The following NUBPL variants were observed in gnomAD, a reference collection of about 807,000 sequenced individuals.
The protein encoded by NUBPL is NUBP iron-sulfur cluster assembly factor, mitochondrial.
NUBPL carries 31 observed loss-of-function variants against 45.7 expected under a neutral mutation model. That is an observed-to-expected ratio of 0.68 (90% CI 0.51 to 0.92). The LOEUF (loss-of-function observed/expected upper bound fraction) is 0.92, where lower values mean the gene tolerates loss of function less well. Among genes scored for constraint, NUBPL ranks in the 40% least tolerant of loss-of-function variants. NUBPL has a pLI of 0.00. For missense variants in NUBPL, 401 were observed against 398.7 expected (o/e 1.01, Z -0.05); for synonymous variants, 144 against 140.9 (o/e 1.02, Z -0.15).
At chr14:31,840,246 GAC>G (rs990620771) in intron 8 of NUBPL, among the ~76,000 whole-genome samples, 99 of 152,258 alleles carry the variant, frequency 6.5e-4, no homozygotes, top group African/African-American at 2.1e-3. Flanking sequence ...CACACACATA[GAC>G]ACAGACAATG....
chr14:31,583,974 A>G (rs1180957315), intron 3 of NUBPL, among the ~76,000 whole-genome samples: 1 of 152,228 alleles, frequency 6.6e-6, no homozygotes, highest in Non-Finnish European at 1.5e-5. Context: ...TTTGGTACAC[A>G]AAATTGCCCT....
intron 6 of NUBPL, among the ~76,000 whole-genome samples, chr14:31,738,966 G>T (rs954745939): frequency 1.3e-5 from 2 of 151,560 alleles, no homozygotes; most frequent in Admixed American, 6.6e-5. Flanking sequence ...ATATGAAACT[G>T]ATATGCTAAA....
At chr14:31,816,187 A>G (rs961023964) in intron 7 of NUBPL, among the ~76,000 whole-genome samples, 1 of 152,140 alleles carries the variant, frequency 6.6e-6, no homozygotes, top group African/African-American at 2.4e-5. Context: ...TTGGTGGGCT[A>G]TTAACTACTG....
At chr14:31,701,629 T>G (rs2037342289) in intron 6 of NUBPL, among the ~76,000 whole-genome samples, 1 of 151,984 alleles carries the variant, frequency 6.6e-6, no homozygotes, top group Non-Finnish European at 1.5e-5. Flanking sequence ...ACAAACCCAC[T>G]GGAAGGAATG....
intron 8 of NUBPL, among the ~76,000 whole-genome samples, chr14:31,838,688 C>CT (rs1176829959): frequency 1.3e-5 from 2 of 152,056 alleles, no homozygotes; most frequent in African/African-American, 4.8e-5. Flanking sequence ...AACTTAAGTA[C>CT]TTTTTTGTGT....
chr14:31,603,142 A>T (rs1164091388), intron 4 of NUBPL, among the ~76,000 whole-genome samples: 1 of 151,920 alleles, frequency 6.6e-6, no homozygotes, highest in African/African-American at 2.4e-5. Flanking sequence ...TGAGACAAAA[A>T]TAAAAAAATT....
At chr14:31,745,372 G>A (rs762573353) in intron 6 of NUBPL, among the ~76,000 whole-genome samples, 1 of 150,334 alleles carries the variant, frequency 6.7e-6, no homozygotes, top group Non-Finnish European at 1.5e-5. Flanking sequence ...CCCTACAAAG[G>A]ACATGGACTC....
chr14:31,582,870 A>T (rs965866372), intron 3 of NUBPL, among the ~76,000 whole-genome samples: 1 of 152,196 alleles, frequency 6.6e-6, no homozygotes, highest in African/African-American at 2.4e-5. Flanking sequence ...AGAAAAAGGA[A>T]AATTTGAAGA....
intron 3 of NUBPL, among the ~76,000 whole-genome samples, chr14:31,577,115 G>C (rs1165841956): frequency 6.6e-6 from 1 of 152,134 alleles, no homozygotes; most frequent in African/African-American, 2.4e-5. Flanking sequence ...CCTTTTGATG[G>C]GAGGGGTATC....
chr14:31,577,922 T>TC, intron 3 of NUBPL: 1 of 1,282,148 alleles, frequency 7.8e-7, no homozygotes, highest in Non-Finnish European at 1.0e-6. Context: ...GTTCATATGT[T>TC]TATCTCATGC....
chr14:31,811,522 T>C (rs2039805400), intron 7 of NUBPL, among the ~76,000 whole-genome samples: 2 of 152,138 alleles, frequency 1.3e-5, no homozygotes, highest in Non-Finnish European at 2.9e-5. Context: ...ATTCGTCTAA[T>C]CTTTTTCAAG....
intron 3 of NUBPL, among the ~76,000 whole-genome samples, chr14:31,579,463 G>C (rs2033806426): frequency 6.6e-6 from 1 of 152,136 alleles, no homozygotes; most frequent in Non-Finnish European, 1.5e-5. Context: ...GATGTTGTCT[G>C]TTAGCCCCCA....
At position 31,708,103 on chromosome 14, in the gene NUBPL, C is replaced by T. The variant is rs150888447; in HGVS notation, c.513+34529C>T. On this transcript the variant is annotated intron_variant, in intron 6 of 10. Coordinates refer to ENST00000281081, the MANE Select transcript of NUBPL (RefSeq NM_025152.3). ...GAGAGCAGGATATAGGGGTTGGGTA[C>T]AACTGGATATAGAGGAATTACTGCC... 5.2e-3 allele frequency among the ~76,000 whole-genome samples: 785 copies of T among 152,308 alleles called. 6 individuals carry two copies. Among genetic ancestry groups the T allele is most frequent in the Middle Eastern group, 0.037 (11 of 294 alleles).
At chr14:31,702,907 C>T (rs2037369855) in intron 6 of NUBPL, among the ~76,000 whole-genome samples, 1 of 152,152 alleles carries the variant, frequency 6.6e-6, no homozygotes, top group South Asian at 2.1e-4. Flanking sequence ...TTTGGTGCTT[C>T]TGGTGCCCAA....
chr14:31,746,429 T>C (rs1184493763), intron 6 of NUBPL, among the ~76,000 whole-genome samples: 2 of 152,050 alleles, frequency 1.3e-5, no homozygotes, highest in Non-Finnish European at 2.9e-5. Context: ...ATGCTTTTTC[T>C]GTATTTGTTG....
chr14:31,771,147 G>C (rs1399417429), intron 6 of NUBPL, among the ~76,000 whole-genome samples: 3 of 135,450 alleles, frequency 2.2e-5, no homozygotes, highest in Non-Finnish European at 5.1e-5. Context: ...TTTAATGGTA[G>C]ATTATTAAAA....
chr14:31,602,733 C>G lies in NUBPL; in HGVS notation c.382+3354C>G, dbSNP rs1595353263. On this transcript the variant is annotated intron_variant, in intron 4 of 10. Transcript: ENST00000281081. ...AGTAAGTGATCAAAAATGGTAGATCCTCATTATTGTCTCTTTATATTAAAT... is the reference window on the plus strand; with the variant it reads ...AGTAAGTGATCAAAAATGGTAGATCGTCATTATTGTCTCTTTATATTAAAT... Among the ~76,000 whole-genome samples, 3 of 151,902 alleles carry G rather than the reference C, an allele frequency of 2.0e-5. No individual in the cohort carries two copies. The South Asian group carries it at 6.2e-4, about 32-fold the overall frequency.
intron 7 of NUBPL, among the ~76,000 whole-genome samples, chr14:31,798,397 A>G (rs887270873): frequency 6.9e-6 from 1 of 144,742 alleles, no homozygotes; most frequent in African/African-American, 2.5e-5. Flanking sequence ...GTGGGATAGT[A>G]GTGTGCATGT....
intron 3 of NUBPL, among the ~76,000 whole-genome samples, chr14:31,598,093 A>G (rs1316184278): frequency 6.6e-6 from 1 of 152,082 alleles, no homozygotes; most frequent in Non-Finnish European, 1.5e-5. Flanking sequence ...TTTATTTTAC[A>G]TAAAGCTGAG....
Sources: gnomAD v4.1 joint callset for allele counts (sites outside exome capture counted in the v4.1 genomes callset) on GRCh38, gnomAD v4.1.1 for gene constraint, MANE v1.5 for transcripts, NCBI Gene and HGNC (gene_info 2026-07-23, HGNC 2026-07-21) for gene names.